The following TIAM2 variants were observed in gnomAD, a reference collection of about 807,000 sequenced individuals.
The protein encoded by TIAM2 is TIAM Rac1 associated GEF 2, also known as rho guanine nucleotide exchange factor TIAM2.
TIAM2 carries 80 observed loss-of-function variants against 152.9 expected under a neutral mutation model. The ratio of observed to expected loss-of-function variants is 0.52; its 90% CI spans 0.44 to 0.63. The LOEUF is 0.63. TIAM2 is among the 30% of genes least tolerant of loss of function. The pLI is 0.00. For synonymous variants in TIAM2, 804 were observed against 838.0 expected, an observed-to-expected ratio of 0.96 and a Z score of 0.70; for missense variants, 1,965 against 2,120.1, an observed-to-expected ratio of 0.93 and a Z score of 1.44.
At chr6:155,012,828 G>A (rs777372468) in intron 1 of TIAM2, among the ~76,000 whole-genome samples, 2 of 152,220 alleles carry the variant, frequency 1.3e-5, no homozygotes, top group Non-Finnish European at 2.9e-5. Context: ...TGGGATTACA[G>A]GCGTGAGCCA....
chr6:155,165,524 G>A, intron 9 of TIAM2, 115 bp downstream of exon 9: 1 of 1,412,682 alleles, frequency 7.1e-7, no homozygotes, highest in Non-Finnish European at 9.5e-7. Flanking sequence ...ATGAGGCGAG[G>A]TGGGGTGGCT....
At chr6:155,038,046 C>T (rs572237062) in intron 1 of TIAM2, among the ~76,000 whole-genome samples, 6 of 152,272 alleles carry the variant, frequency 3.9e-5, no homozygotes, top group Admixed American at 3.9e-4. Context: ...TTAAGATTTT[C>T]CTTCTTGCTG....
In TIAM2 at chr6:155,082,665, CCAAT is replaced by C. The variant is rs1345129752; in HGVS notation, c.-208-7623_-208-7620del. On this transcript the variant is annotated intron_variant, in intron 1 of 26. Transcript: ENST00000682666. ...AACTCCATCTCAACCCAAAAAAACC[CCAAT>C]AAATAAATAAATAAATAAATAAATA... Among the ~76,000 whole-genome samples, 328 of 93,398 alleles carry C rather than the reference CCAAT, an allele frequency of 3.5e-3. 4 individuals carry two copies. Among genetic ancestry groups the C allele is most frequent in the Admixed American group, 0.027 (279 of 10,524 alleles). 61.3% of individuals were successfully genotyped at this position (93,398 alleles called of 152,430 possible).
At chr6:155,164,343 G>A in intron 7 of TIAM2, 72 bp from the exon 8 acceptor site, 1 of 1,405,418 alleles carries the variant, frequency 7.1e-7, no homozygotes, top group South Asian at 1.4e-5. Flanking sequence ...GTTTGTGAAA[G>A]GGATCACATT....
intron 15 of TIAM2, among the ~76,000 whole-genome samples, chr6:155,219,268 CA>C (rs1457190862): frequency 6.6e-6 from 1 of 152,058 alleles, no homozygotes; most frequent in East Asian, 1.9e-4. Context: ...TGAGCTTTTC[CA>C]AAGGGTTGCT....
At chr6:155,248,738 C>CA (rs1342799651) in intron 20 of TIAM2, among the ~76,000 whole-genome samples, 3 of 152,200 alleles carry the variant, frequency 2.0e-5, no homozygotes, top group Non-Finnish European at 4.4e-5. Context: ...ATCAAAAACA[C>CA]AAAGCCTTGC....
chr6:155,048,791 TC>T, intron 1 of TIAM2, among the ~76,000 whole-genome samples: 1 of 151,478 alleles, frequency 6.6e-6, no homozygotes, highest in East Asian at 1.9e-4. Context: ...AAATCCTCAA[TC>T]CACTCTTTGT....
chr6:155,077,477 A>G (rs1225668795), intron 1 of TIAM2, among the ~76,000 whole-genome samples: 1 of 152,176 alleles, frequency 6.6e-6, no homozygotes, highest in African/African-American at 2.4e-5. Flanking sequence ...ATATTTTTTA[A>G]AAAGGGTTTC....
intron 1 of TIAM2, among the ~76,000 whole-genome samples, chr6:155,079,113 G>A (rs1221087458): frequency 1.3e-5 from 2 of 151,952 alleles, no homozygotes; most frequent in African/African-American, 4.8e-5. Context: ...CCAGGCTGGA[G>A]TGCAGTGGTG....
At chr6:155,093,147 C>T (rs145863546) in intron 2 of TIAM2, among the ~76,000 whole-genome samples, 1 of 152,258 alleles carries the variant, frequency 6.6e-6, no homozygotes, top group African/African-American at 2.4e-5. Context: ...GTTTTGTGGC[C>T]TTCAGTAAAT....
chr6:155,222,493 C>T (rs773657763), intron 15 of TIAM2, among the ~76,000 whole-genome samples: 3 of 151,708 alleles, frequency 2.0e-5, no homozygotes, highest in East Asian at 2.0e-4. Flanking sequence ...CCCAGCTACT[C>T]GGGAGGCTGA....
In TIAM2 at chr6:155,001,361, T is replaced by C. The variant is rs144221890; in HGVS notation, c.-209+5869T>C. 3.8e-3 allele frequency among the ~76,000 whole-genome samples: 577 copies of C among 152,340 alleles called. 2 individuals are homozygous for C. The highest frequency in any genetic ancestry group is 0.013 in the African/African-American group (555 of 41,588). On this transcript the variant is annotated intron_variant, in intron 1 of 26. Coordinates refer to ENST00000682666, the MANE Select transcript of TIAM2 (RefSeq NM_012454.4). ...TGACCACATGATCCTTCCACTCTTC[T>C]ATCCTGACCCAATGGTTAGCATGCC...
At chr6:155,061,439 C>G (rs1014400505) in intron 1 of TIAM2, among the ~76,000 whole-genome samples, 1 of 150,130 alleles carries the variant, frequency 6.7e-6, no homozygotes, top group Admixed American at 6.6e-5. Context: ...GAATCCAGTA[C>G]CAGAGTTAGT....
At chr6:155,099,273 T>A (rs1778499390) in intron 2 of TIAM2, among the ~76,000 whole-genome samples, 1 of 151,698 alleles carries the variant, frequency 6.6e-6, no homozygotes, top group Non-Finnish European at 1.5e-5. Context: ...ATAAAATATC[T>A]CATTTCCAAG....
chr6:155,240,691 A>G lies in TIAM2; in HGVS notation c.3330A>G (p.Thr1110=). 6.2e-7 allele frequency: 1 copy of G among 1,612,710 alleles called. No homozygotes were observed. The highest frequency in any genetic ancestry group is 8.5e-7 in the Non-Finnish European group (1 of 1,179,700). ...AAGTCATCCAGGAGCTTGTGGACAC[A>G]GAGAAGTCCTACGTGAAGGTAAGGG... ...LRKVIQELVD[T]EKSYVKDLSC... Residue 1110 remains threonine, a synonymous_variant, in exon 16 of 27, where the codon ACA becomes ACG. Coordinates refer to ENST00000682666, the MANE Select transcript of TIAM2 (RefSeq NM_012454.4).
chr6:155,141,001 A>G (rs556792738), intron 5 of TIAM2, among the ~76,000 whole-genome samples: 9 of 152,256 alleles, frequency 5.9e-5, no homozygotes, highest in Non-Finnish European at 1.2e-4. Flanking sequence ...AGCTTCCTGT[A>G]TTTTATCCCA....
chr6:155,056,545 G>A (rs1056328290), intron 1 of TIAM2, among the ~76,000 whole-genome samples: 2 of 152,016 alleles, frequency 1.3e-5, no homozygotes, highest in African/African-American at 4.8e-5. Flanking sequence ...CTGTATCCGA[G>A]TCTTGCTCTT....
In TIAM2 at chr6:155,180,469, A is replaced by G. The variant is rs1780874499; in HGVS notation, c.2707+1013A>G. Among the ~76,000 whole-genome samples the G allele has an allele frequency of 2.0e-5, 3 of 152,326 alleles. No individual in the cohort carries two copies. The South Asian group carries it at 6.2e-4, about 32-fold the overall frequency. ...AACACTGTTTCTTACCTTGTTAAAT[A>G]TATCGATACATGATTTTTTCCTTAA... is the stretch of plus-strand genomic sequence containing the variant. On this transcript the variant is annotated intron_variant, in intron 12 of 26. Coordinates refer to ENST00000682666, the MANE Select transcript of TIAM2 (RefSeq NM_012454.4).
intron 2 of TIAM2, chr6:155,122,037 T>G (rs1779165195): frequency 2.0e-5 from 3 of 152,252 alleles, no homozygotes; most frequent in Admixed American, 2.0e-4. Flanking sequence ...CTAGAGAATT[T>G]GGGAATCTGA....
Sources: gnomAD v4.1 joint callset for allele counts (sites outside exome capture counted in the v4.1 genomes callset) on GRCh38, gnomAD v4.1.1 for gene constraint, MANE v1.5 for transcripts, NCBI Gene and HGNC (gene_info 2026-07-23, HGNC 2026-07-21) for gene names.